Variants in TKFC observed in about 807,000 individuals in gnomAD.
TKFC encodes the protein triokinase and FMN cyclase, also known as triokinase/FMN cyclase.
In TKFC, 46 loss-of-function variants were observed where a neutral mutation model predicts 61.0. That is an observed-to-expected ratio of 0.75 (90% CI 0.60 to 0.96). TKFC has a LOEUF of 0.96. Ranked by LOEUF, TKFC falls within the 50% of genes least tolerant of loss-of-function variation. The pLI is 0.00. For synonymous variants in TKFC, 314 were observed against 330.1 expected, an observed-to-expected ratio of 0.95 and a Z score of 0.53; for missense variants, 715 against 777.5, an observed-to-expected ratio of 0.92 and a Z score of 0.96.
intron 7 of TKFC, 147 bp from the exon 8 acceptor site, chr11:61,342,314 G>T: frequency 2.0e-6 from 2 of 1,013,722 alleles, no homozygotes; most frequent in East Asian, 2.4e-5. Context: ...AGAGAACAGA[G>T]ATCGTGTTTT....
chr11:61,353,421 C>T (rs1006309535), downstream of TKFC: 7 of 609,938 alleles, frequency 1.1e-5, no homozygotes, highest in African/African-American at 1.3e-4. Flanking sequence ...AAACTCTTCA[C>T]TCGCACAGGC....
At chr11:61,349,443 G>A (rs1022530228), downstream of TKFC, 37 of 669,124 alleles carry the variant, frequency 5.5e-5, no homozygotes, top group East Asian at 3.3e-4. Context: ...CCTGCCCAGC[G>A]GGAGGCAGGA....
At chr11:61,334,258 T>C (rs1343051519) in intron 1 of TKFC, 1 of 160,216 alleles carries the variant, frequency 6.2e-6, no homozygotes, top group African/African-American at 2.4e-5. Context: ...CCCTTCCCTT[T>C]TGGTGCCAAG....
chr11:61,334,742 C>A lies in TKFC; in HGVS notation c.3+11C>A. The A allele has an allele frequency of 1.2e-6, 2 of 1,614,078 alleles. No individual in the cohort carries two copies. The highest frequency in any genetic ancestry group is 8.5e-7 in the Non-Finnish European group (1 of 1,179,970). ...AGCCTCCACACCATGGTGAGTCATA[C>A]AGGGCCGGGACGGGAATGGCAGCAT... On this transcript the variant is annotated intron_variant, in intron 2 of 17. Coordinates refer to ENST00000394900, the MANE Select transcript of TKFC (RefSeq NM_015533.4).
At position 61,347,853 on chromosome 11, in the gene TKFC, G is replaced by A. The variant is rs2135078974; in HGVS notation, c.*1350G>A. The stretch of plus-strand genomic sequence containing the variant: ...GAAAGGATTCAAATGAATTGATGAA[G>A]ATGGGCCATAAAGCCCAGCACAGTC... On this transcript the variant is annotated 3_prime_UTR_variant, in exon 18 of 18. Transcript: ENST00000394900. 1.0e-6 allele frequency: 1 copy of A among 982,022 alleles called. No homozygotes were observed. Among genetic ancestry groups the A allele is most frequent in the East Asian group, 1.1e-4 (1 of 8,796 alleles). 60.8% of individuals were successfully genotyped at this position (982,022 alleles called of 1,614,324 possible). A position where few individuals can be genotyped will look rare whatever the true frequency, so the allele number is the denominator to read the frequency against.
Position 61,347,291 on chromosome 11 carries a change from C to T in TKFC, c.*788C>T, listed in dbSNP as rs1286670860. The T allele has an allele frequency of 2.0e-6, 2 of 984,838 alleles. No individual in the cohort carries two copies. The highest frequency in any genetic ancestry group is 1.7e-5 in the African/African-American group (1 of 57,204). 61.0% of individuals were successfully genotyped at this position (984,838 alleles called of 1,614,324 possible). ...GCACGGTGGCTCACACCTGCAATCC[C>T]AGCACTTTGGGAGGCCAAGGCAGGC... On this transcript the variant is annotated 3_prime_UTR_variant, in exon 18 of 18. Coordinates refer to ENST00000394900, the MANE Select transcript of TKFC (RefSeq NM_015533.4).
At position 61,345,870 on chromosome 11, in the gene TKFC, G is replaced by T. The variant is rs748979951; in HGVS notation, c.1499G>T (p.Trp500Leu). Residue 500 changes from tryptophan (W) to leucine (L), a missense_variant, in exon 17 of 18, where the codon TGG becomes TTG. By Grantham distance (61) the Trp-to-Leu change is moderately conservative. Coordinates refer to ENST00000394900, the MANE Select transcript of TKFC (RefSeq NM_015533.4). ...PGDRTMLDSL[W>L]AAGQELQAWK... ...CACCTTGTCCAGCTGGATTCTCTGTGGGCAGCGGGGCAGGAGCTCCAAGCC... is the reference window on the plus strand; with the variant it reads ...CACCTTGTCCAGCTGGATTCTCTGTTGGCAGCGGGGCAGGAGCTCCAAGCC... 3.1e-6 allele frequency: 5 copies of T among 1,614,134 alleles called. No homozygotes were observed. In the South Asian group the frequency reaches 5.5e-5, roughly 18 times the overall value.
intron 2 of TKFC, chr11:61,336,439 ACT>A (rs890959068): frequency 6.6e-6 from 1 of 152,376 alleles, no homozygotes; most frequent in African/African-American, 2.4e-5. Context: ...CCCCAGTCTC[ACT>A]CTGTCTTCAG....
At chr11:61,350,730 A>G, downstream of TKFC, 2 of 595,316 alleles carry the variant, frequency 3.4e-6, no homozygotes, top group Non-Finnish European at 5.8e-6. Flanking sequence ...ATAAGGCCAC[A>G]CTTCACCCCA....
downstream of TKFC, chr11:61,351,618 A>G (rs2061334481): frequency 6.6e-6 from 1 of 151,898 alleles, no homozygotes; most frequent in African/African-American, 2.4e-5. Context: ...AAGTCCCTGC[A>G]AATATTTGTA....
rs1164318366 is a variant in TKFC at position 61,344,239 on chromosome 11, C to T, written c.1206C>T (p.Gly402=). 1.1e-5 allele frequency: 17 copies of T among 1,612,764 alleles called. No homozygotes were observed. Among genetic ancestry groups the T allele is most frequent in the Non-Finnish European group, 1.4e-5 (17 of 1,180,008 alleles). ...LNALDRAAGD[G]DCGTTHSRAA... ...CCCTGGACCGGGCTGCTGGTGACGG[C>T]GACTGTGGCACCACCCACAGCCGTG... Residue 402 remains glycine, a synonymous_variant, in exon 13 of 18, where the codon GGC becomes GGT. Coordinates refer to ENST00000394900, the MANE Select transcript of TKFC (RefSeq NM_015533.4).
chr11:61,338,354 C>A (rs1856704266), intron 3 of TKFC, among the ~76,000 whole-genome samples: 1 of 152,212 alleles, frequency 6.6e-6, no homozygotes, highest in Non-Finnish European at 1.5e-5. Context: ...AACAATCTCT[C>A]AAGTCCTTCT....
chr11:61,344,869 C>T lies in TKFC; in HGVS notation c.1241-391C>T, dbSNP rs150254699. On this transcript the variant is annotated intron_variant, in intron 13 of 17. Transcript: ENST00000394900. ...TATTTGGTGCCTGCCGTGGGGCAGGCACTGCTCTCAGCTGTGGATACAGTA... is the reference window on the plus strand; with the variant it reads ...TATTTGGTGCCTGCCGTGGGGCAGGTACTGCTCTCAGCTGTGGATACAGTA... Among the ~76,000 whole-genome samples the T allele has an allele frequency of 2.9e-3, 440 of 152,300 alleles. 1 individual carries two copies. Among genetic ancestry groups the T allele is most frequent in the African/African-American group, 9.8e-3 (407 of 41,564 alleles).
chr11:61,333,231 A>C lies in TKFC; in HGVS notation c.-208A>C. The C allele has an allele frequency of 5.8e-6, 2 of 343,312 alleles. No individual in the cohort carries two copies. Among genetic ancestry groups the C allele is most frequent in the Non-Finnish European group, 1.0e-5 (2 of 190,526 alleles). The allele number at this position is 343,312 out of a possible 1,614,324, so 21.3% of individuals were successfully genotyped here. On this transcript the variant is annotated 5_prime_UTR_variant, in exon 1 of 18. Transcript: ENST00000394900. Reference sequence around the variant, plus strand: ...AGGCACCGCCTCGCCTCTTTCCGCCAGCGCCCGCAGGACCCGGATGAGAGC... The same window carrying C: ...AGGCACCGCCTCGCCTCTTTCCGCCCGCGCCCGCAGGACCCGGATGAGAGC...
rs560103218 is a variant in TKFC, at chr11:61,344,157, C to T, written c.1124C>T (p.Ala375Val). The T allele has an allele frequency of 2.2e-5, 35 of 1,612,322 alleles. No individual in the cohort carries two copies. The highest frequency in any genetic ancestry group is 1.7e-4 in the African/African-American group (13 of 75,006). ...CTAGGCTCAGCCTCGAAGCGGATGG[C>T]GCTGGTGCTGGAACGGGTGTGCAGC... ...AAGGSASKRM[A>V]LVLERVCSTL... The change falls in exon 13 of 18, where the codon GCG (alanine) becomes GTG (valine). Residue 375 changes from alanine to valine, a missense_variant. Ala to Val is a moderately conservative substitution (Grantham distance 64, BLOSUM62 0). Coordinates refer to ENST00000394900, the MANE Select transcript of TKFC (RefSeq NM_015533.4).
chr11:61,340,198 G>A (rs2135013268), intron 5 of TKFC, among the ~76,000 whole-genome samples: 1 of 152,144 alleles, frequency 6.6e-6, no homozygotes, highest in South Asian at 2.1e-4. Flanking sequence ...TTTTAGTAGA[G>A]ATGTGGTTTC....
intron 2 of TKFC, among the ~76,000 whole-genome samples, chr11:61,337,541 G>C (rs1366559967): frequency 6.6e-6 from 1 of 152,188 alleles, no homozygotes; most frequent in Non-Finnish European, 1.5e-5. Context: ...AGCAGCGGTG[G>C]CTGTGGAACC....
At position 61,343,951 on chromosome 11, in the gene TKFC, GC is replaced by G; in HGVS notation, c.1082del (p.Pro361LeufsTer32). 6.2e-7 allele frequency: 1 copy of G among 1,611,560 alleles called. No individual in the cohort carries two copies. ...GGTAGCCCCTGCCGAGCCCCAGGAG[GC>G]CCCTGATTCCACTGCTGCAGGAGGT... ...SRVAPAEPQE[A>X]PDSTAAGGSA... On this transcript the variant is annotated frameshift_variant, in exon 12 of 18. Transcript: ENST00000394900. LOFTEE classifies it high-confidence loss of function.
rs1025394328 is a variant in TKFC, at chr11:61,348,252, A to C, written c.*1749A>C. On this transcript the variant is annotated 3_prime_UTR_variant, in exon 18 of 18. Transcript: ENST00000394900. ...TTTTCTCAGATTATGAAATAGGAAA[A>C]ATTTCCTTCCTCGTGAGATAAGCAC... 1.0e-6 allele frequency: 1 copy of C among 985,210 alleles called. No homozygotes were observed. Among genetic ancestry groups the C allele is most frequent in the Admixed American group, 6.2e-5 (1 of 16,256 alleles). 61.0% of individuals were successfully genotyped at this position (985,210 alleles called of 1,614,324 possible).
Sources: gnomAD v4.1 joint callset for allele counts (sites outside exome capture counted in the v4.1 genomes callset) on GRCh38, gnomAD v4.1.1 for gene constraint, MANE v1.5 for transcripts, NCBI Gene and HGNC (gene_info 2026-07-23, HGNC 2026-07-21) for gene names.